The following PATJ variants were observed in gnomAD, a reference collection of about 807,000 sequenced individuals.
PATJ encodes inaD-like protein.
A neutral mutation model predicts 224.9 loss-of-function variants in PATJ; 190 were observed. The ratio of observed to expected loss-of-function variants is 0.84; its 90% CI spans 0.75 to 0.95. The LOEUF is 0.95. PATJ is among the 40% of genes least tolerant of loss of function. The pLI is 0.00. For missense variants in PATJ, 2,121 were observed against 2,270.3 expected (o/e 0.93, Z 1.34); for synonymous variants, 769 against 820.3 (o/e 0.94, Z 1.07).
At chr1:61,894,721 A>G (rs923075966) in intron 22 of PATJ, among the ~76,000 whole-genome samples, 2 of 152,182 alleles carry the variant, frequency 1.3e-5, no homozygotes, top group African/African-American at 4.8e-5. Context: ...GGACTAATAG[A>G]ATTGGTCCCA....
intron 20 of PATJ, chr1:61,865,507 G>C (rs1165549608): frequency 6.6e-6 from 1 of 152,050 alleles, no homozygotes; most frequent in Non-Finnish European, 1.5e-5. Flanking sequence ...GCCTCCCGAA[G>C]TGCTGGGATT....
intron 31 of PATJ, among the ~76,000 whole-genome samples, chr1:62,078,423 C>T (rs901383992): frequency 6.6e-6 from 1 of 152,112 alleles, no homozygotes; most frequent in African/African-American, 2.4e-5. Flanking sequence ...GCTGGGATTA[C>T]AGGCATGCAT....
chr1:62,133,815 C>T (rs1419857578), intron 41 of PATJ, among the ~76,000 whole-genome samples: 2 of 147,098 alleles, frequency 1.4e-5, no homozygotes, highest in East Asian at 2.0e-4. Context: ...GGCACAATCT[C>T]GGCTCCACTG....
Position 61,763,113 on chromosome 1 carries a change from A to T in PATJ, c.123A>T (p.Thr41=). The T allele has an allele frequency of 6.2e-7, 1 of 1,610,230 alleles. No individual in the cohort carries two copies. Among genetic ancestry groups the T allele is most frequent in the Non-Finnish European group, 8.5e-7 (1 of 1,177,536 alleles). Residue 41 remains threonine (T), a synonymous_variant, in exon 3 of 44, where the codon ACA becomes ACT. Coordinates refer to ENST00000642238, the MANE Select transcript of PATJ (RefSeq NM_001350145.3). ...AGAAGTTATCTATGTTTTATGAGAC[A>T]CTAAAGAGTCCTCTCTTCAACCAGA... The part of the protein sequence containing the change: ...QNEKLSMFYE[T]LKSPLFNQIL...
At position 62,108,455 on chromosome 1, in the gene PATJ, G is replaced by A. The variant is rs766716700; in HGVS notation, c.4396G>A (p.Glu1466Lys). 9.3e-6 allele frequency: 15 copies of A among 1,607,446 alleles called. No homozygotes were observed. The Admixed American group carries it at 2.5e-4, about 27-fold the overall frequency. Residue 1466 changes from glutamate to lysine, a missense_variant, in exon 34 of 44, where the codon GAA becomes AAA. Transcript: ENST00000642238. ...DTPLNAIVIH[E>K]VYEEGAAARD... The stretch of plus-strand genomic sequence containing the variant: ...TTTATAGAATGCTATAGTTATCCAT[G>A]AAGTCTATGAAGAAGGGGCAGCAGC...
chr1:61,964,705 C>T (rs1037101862), intron 27 of PATJ, among the ~76,000 whole-genome samples: 1 of 151,950 alleles, frequency 6.6e-6, no homozygotes, highest in African/African-American at 2.4e-5. Flanking sequence ...AAGAGGTTCA[C>T]TTGAGCTCAG....
At chr1:62,028,995 A>ACATACATACATACAT (rs1334473991) in intron 29 of PATJ, among the ~76,000 whole-genome samples, 1 of 151,636 alleles carries the variant, frequency 6.6e-6, no homozygotes. Flanking sequence ...ATACATACAT[A>ACATACATACATACAT]CACGTATACC....
intron 14 of PATJ, among the ~76,000 whole-genome samples, chr1:61,812,889 A>G (rs897164640): frequency 3.3e-5 from 5 of 151,962 alleles, no homozygotes; most frequent in Admixed American, 2.0e-4. Flanking sequence ...GTAATCCACG[A>G]AAGACCCTGG....
At chr1:61,977,270 A>G (rs1348144316) in intron 27 of PATJ, among the ~76,000 whole-genome samples, 1 of 151,882 alleles carries the variant, frequency 6.6e-6, no homozygotes, top group Non-Finnish European at 1.5e-5. Context: ...TTGTATTTGT[A>G]GTAGAGATGG....
intron 24 of PATJ, among the ~76,000 whole-genome samples, chr1:61,905,684 AGTGGCTGGCTATACC>A (rs1671757238): frequency 6.6e-6 from 1 of 152,156 alleles, no homozygotes; most frequent in Non-Finnish European, 1.5e-5. Flanking sequence ...CTCTTTCCAG[AGTGGCTGGCTATACC>A]GTTTTACATT....
At chr1:61,900,735 G>A (rs923815358) in intron 23 of PATJ, among the ~76,000 whole-genome samples, 8 of 151,536 alleles carry the variant, frequency 5.3e-5, no homozygotes, top group South Asian at 2.1e-4. Flanking sequence ...GACTACAGGC[G>A]CCCGCCACTA....
In PATJ at chr1:61,908,477, C is replaced by A. The variant is rs767701193; in HGVS notation, c.3487C>A (p.Pro1163Thr). 1 of 1,604,994 alleles carries A rather than the reference C, an allele frequency of 6.2e-7. No individual in the cohort carries two copies. Among genetic ancestry groups the A allele is most frequent in the Non-Finnish European group, 8.5e-7 (1 of 1,171,792 alleles). The change falls in exon 25 of 44, where the codon CCA (proline) becomes ACA (threonine). Residue 1163 changes from proline (P) to threonine (T), a missense_variant. Transcript: ENST00000642238. ...CATTGTTCAGAGTTTGTCATCCACTCCACGAGTAAGTTTTAGTTCATATTT... is the reference window on the plus strand; with the variant it reads ...CATTGTTCAGAGTTTGTCATCCACTACACGAGTAAGTTTTAGTTCATATTT... ...VFIVQSLSSTPRVIPNVHNKA... is the reference protein window; with the variant it reads ...VFIVQSLSSTTRVIPNVHNKA...
intron 28 of PATJ, among the ~76,000 whole-genome samples, chr1:61,990,696 T>C (rs1165617103): frequency 1.3e-5 from 2 of 152,168 alleles, no homozygotes; most frequent in Admixed American, 6.6e-5. Flanking sequence ...ATCAAAATTC[T>C]CTTTGGGTTT....
At chr1:61,760,151 A>G (rs930759874) in intron 1 of PATJ, among the ~76,000 whole-genome samples, 1 of 152,196 alleles carries the variant, frequency 6.6e-6, no homozygotes, top group African/African-American at 2.4e-5. Flanking sequence ...GGTAGTTGTA[A>G]GAGTTGTACA....
At chr1:61,995,840 GCTGT>G (rs1375495971) in intron 28 of PATJ, among the ~76,000 whole-genome samples, 1 of 152,192 alleles carries the variant, frequency 6.6e-6, no homozygotes, top group African/African-American at 2.4e-5. Flanking sequence ...TGAGCATGGG[GCTGT>G]CATATGAATA....
At chr1:61,873,778 G>C (rs1666977527) in intron 20 of PATJ, among the ~76,000 whole-genome samples, 1 of 152,168 alleles carries the variant, frequency 6.6e-6, no homozygotes. Flanking sequence ...CCTGCACAGG[G>C]AGTTTGCCTA....
At chr1:61,890,311 G>A (rs1557828990) in intron 22 of PATJ, among the ~76,000 whole-genome samples, 1 of 151,988 alleles carries the variant, frequency 6.6e-6, no homozygotes, top group East Asian at 1.9e-4. Context: ...AAAACCTGCT[G>A]CTACAAAAAA....
chr1:61,787,025 A>G (rs1198813990), intron 7 of PATJ, among the ~76,000 whole-genome samples: 2 of 152,080 alleles, frequency 1.3e-5, no homozygotes, highest in Admixed American at 6.6e-5. Context: ...CTATCTGTCT[A>G]TCTATCTAGA....
chr1:61,969,989 C>T (rs1354568093), intron 27 of PATJ, among the ~76,000 whole-genome samples: 4 of 152,046 alleles, frequency 2.6e-5, no homozygotes, highest in African/African-American at 7.2e-5. Context: ...CCACCGTGCC[C>T]GGCCCTTGAT....
Sources: gnomAD v4.1 joint callset for allele counts (sites outside exome capture counted in the v4.1 genomes callset) on GRCh38, gnomAD v4.1.1 for gene constraint, MANE v1.5 for transcripts, NCBI Gene and HGNC (gene_info 2026-07-23, HGNC 2026-07-21) for gene names.